The following ITIH2 variants were observed in gnomAD, a reference collection of about 807,000 sequenced individuals.
ITIH2 encodes inter-alpha-trypsin inhibitor heavy chain H2.
ITIH2 carries 103 observed loss-of-function variants against 104.4 expected under a neutral mutation model. That is an observed-to-expected ratio of 0.99 (90% CI 0.84 to 1.16). The LOEUF (loss-of-function observed/expected upper bound fraction) is 1.16, where lower values mean the gene tolerates loss of function less well. Ranked by LOEUF, ITIH2 falls within the 50% of genes most tolerant of loss-of-function variation. ITIH2 has a pLI of 0.00. For missense variants in ITIH2, 1,108 were observed against 1,162.4 expected (o/e 0.95, Z 0.68); for synonymous variants, 436 against 435.4 (o/e 1.00, Z -0.02).
rs147906523 is a variant in ITIH2, at chr10:7,721,706, G to A, written c.796G>A (p.Glu266Lys). ...GCAGAGAATATGCCCTAACTGCCGG[G>A]AGACTGCGGTAGATGGGGAACTGGT... ...AQQRICPNCR[E>K]TAVDGELVVL... The change falls in exon 8 of 21, where the codon GAG becomes AAG. Residue 266 changes from glutamate (E) to lysine (K), a missense_variant. Glu to Lys is a moderately conservative substitution (Grantham distance 56, BLOSUM62 1). Coordinates refer to ENST00000358415, the MANE Select transcript of ITIH2 (RefSeq NM_002216.3). 1 of 1,613,812 alleles carries A rather than the reference G, an allele frequency of 6.2e-7. No homozygotes were observed. The highest frequency in any genetic ancestry group is 2.2e-5 in the East Asian group (1 of 44,854).
intron 15 of ITIH2, among the ~76,000 whole-genome samples, chr10:7,737,678 TTTCTATATTATA>T (rs1470493983): frequency 6.4e-5 from 1 of 15,658 alleles, no homozygotes; most frequent in African/African-American, 2.8e-4. Flanking sequence ...TATTCTATAT[TTTCTATATTATA>T]TTCTATATAA....
In ITIH2 at chr10:7,707,230, G is replaced by A; in HGVS notation, c.189G>A (p.Met63Ile). 1 of 1,600,724 alleles carries A rather than the reference G, an allele frequency of 6.2e-7. No homozygotes were observed. The highest frequency in any genetic ancestry group is 8.6e-7 in the Non-Finnish European group (1 of 1,169,506). ...GCCTTCCAGGAGAATCGGAAGAAATGATGGTAAGTTGACTTGATGTTGTTA... is the reference window on the plus strand; with the variant it reads ...GCCTTCCAGGAGAATCGGAAGAAATAATGGTAAGTTGACTTGATGTTGTTA... Reference protein sequence around the residue: ...QRSLPGESEEMMEEVDQVTLY... With the variant: ...QRSLPGESEEIMEEVDQVTLY... Residue 63 changes from methionine (M) to isoleucine (I), a missense_variant, in exon 3 of 21, where the codon ATG (methionine) becomes ATA (isoleucine). Transcript: ENST00000358415.
Position 7,727,707 on chromosome 10 carries a change from A to G in ITIH2, c.1158A>G (p.Thr386=). The G allele has an allele frequency of 6.2e-7, 1 of 1,614,120 alleles. No individual in the cohort carries two copies. ...TTCATTATGCTACTTCAACAGGCAC[A>G]AACATCAACGAAGCACTCCTACGGG... ...YIEKIQPSGG[T]NINEALLRAI... Residue 386 remains threonine, a synonymous_variant, in exon 11 of 21, where the codon ACA becomes ACG. Transcript: ENST00000358415.
intron 8 of ITIH2, among the ~76,000 whole-genome samples, chr10:7,722,677 C>T (rs1410750704): frequency 6.6e-6 from 1 of 152,192 alleles, no homozygotes; most frequent in African/African-American, 2.4e-5. Context: ...CCTGGCCCAG[C>T]TCTCAAGAGA....
Position 7,716,611 on chromosome 10 carries a change from C to T in ITIH2, c.468-1015C>T, listed in dbSNP as rs138860209. The stretch of plus-strand genomic sequence containing the variant: ...ATTAGCTGGGCATGGTGGCGCATGC[C>T]TGTAGTCCCAGCTACTCGGGATGCT... On this transcript the variant is annotated intron_variant, in intron 5 of 20. Transcript: ENST00000358415. Among the ~76,000 whole-genome samples the T allele has an allele frequency of 2.1e-4, 32 of 151,856 alleles. 1 individual carries two copies. The highest frequency in any genetic ancestry group is 4.4e-4 in the Non-Finnish European group (30 of 67,988).
intron 20 of ITIH2, 112 bp from the exon 21 acceptor site, chr10:7,749,075 G>C (rs1835211445): frequency 9.7e-7 from 1 of 1,030,408 alleles, no homozygotes; most frequent in East Asian, 2.4e-5. Context: ...CGATAGGTGG[G>C]GGGCGGCAGA....
chr10:7,707,098 T>C, intron 2 of ITIH2, 103 bp from the exon 3 acceptor site: 1 of 722,042 alleles, frequency 1.4e-6, no homozygotes, highest in Admixed American at 2.1e-5. Context: ...AGCTCAGTAT[T>C]GAAGAAAAAT....
chr10:7,712,573 C>A (rs1424256103), intron 4 of ITIH2, among the ~76,000 whole-genome samples: 1 of 152,114 alleles, frequency 6.6e-6, no homozygotes, highest in African/African-American at 2.4e-5. Flanking sequence ...AGAGAACCAT[C>A]CTTAATCTAA....
At position 7,720,907 on chromosome 10, in the gene ITIH2, G is replaced by T; in HGVS notation, c.682G>T (p.Asp228Tyr). 1 of 1,613,864 alleles carries T rather than the reference G, an allele frequency of 6.2e-7. No individual in the cohort carries two copies. Among genetic ancestry groups the T allele is most frequent in the South Asian group, 1.1e-5 (1 of 91,044 alleles). Residue 228 changes from aspartate to tyrosine, a missense_variant, in exon 7 of 21, where the codon GAC becomes TAC. Physicochemically the swap from Asp to Tyr is radical, Grantham distance 160. Coordinates refer to ENST00000358415, the MANE Select transcript of ITIH2 (RefSeq NM_002216.3). ...PQGLRFLHVP[D>Y]TFEGHFDGVP... ...GGGACTGAGATTTCTTCATGTTCCC[G>T]ACACATTTGAAGGCCATTTCGATGG...
At chr10:7,705,534 T>C (rs1462194001) in intron 2 of ITIH2, among the ~76,000 whole-genome samples, 1 of 151,956 alleles carries the variant, frequency 6.6e-6, no homozygotes, top group Non-Finnish European at 1.5e-5. Flanking sequence ...AGTGAGGCTC[T>C]ACCTCTGCCA....
chr10:7,709,339 T>A, intron 4 of ITIH2, 148 bp downstream of exon 4: 1 of 683,376 alleles, frequency 1.5e-6, no homozygotes, highest in Non-Finnish European at 2.5e-6. Context: ...CCCAATAATT[T>A]TCTCCTCTTC....
At chr10:7,743,906 TATA>T (rs1363787750) in intron 17 of ITIH2, among the ~76,000 whole-genome samples, 173 bp from the exon 18 acceptor site, 1 of 152,062 alleles carries the variant, frequency 6.6e-6, no homozygotes, top group Non-Finnish European at 1.5e-5. Context: ...TTATAAATGT[TATA>T]TTAACATGTT....
chr10:7,731,956 C>A lies in ITIH2; in HGVS notation c.1607C>A (p.Ala536Asp), dbSNP rs1191715012. 6.2e-7 allele frequency: 1 copy of A among 1,613,920 alleles called. No homozygotes were observed. Among genetic ancestry groups the A allele is most frequent in the South Asian group, 1.1e-5 (1 of 91,050 alleles). The change falls in exon 13 of 21, where the codon GCT (alanine) becomes GAT (aspartate). Residue 536 changes from alanine (A) to aspartate (D), a missense_variant. Coordinates refer to ENST00000358415, the MANE Select transcript of ITIH2 (RefSeq NM_002216.3). ...EIVVAGKFDP[A>D]KLDQIESVIT... is the part of the protein sequence containing the mutation. ...GTGGTGGCAGGAAAATTTGACCCTG[C>A]TAAATTGGATCAAATAGAGAGCGTT... is the stretch of plus-strand genomic sequence containing the variant.
At chr10:7,737,443 A>G (rs1835067017) in intron 15 of ITIH2, among the ~76,000 whole-genome samples, 1 of 141,842 alleles carries the variant, frequency 7.1e-6, no homozygotes, top group Non-Finnish European at 1.5e-5. Flanking sequence ...GTATATATAT[A>G]TATAACAGAT....
intron 15 of ITIH2, among the ~76,000 whole-genome samples, chr10:7,735,673 TC>T (rs1341966426): frequency 2.8e-4 from 39 of 141,452 alleles, no homozygotes; most frequent in African/African-American, 1.1e-3. Context: ...TCTTTTCTTT[TC>T]TTTTTTTTTT....
chr10:7,717,827 T>TTTA (rs753377358), intron 6 of ITIH2, 39 bp downstream of exon 6: 8 of 1,572,138 alleles, frequency 5.1e-6, no homozygotes, highest in Non-Finnish European at 7.0e-6. Flanking sequence ...GACACTGTCC[T>TTTA]TTTATAGTCT....
Position 7,726,943 on chromosome 10 carries a change from G to C in ITIH2, c.985-7G>C. The C allele has an allele frequency of 6.2e-7, 1 of 1,600,600 alleles. No individual in the cohort carries two copies. Among genetic ancestry groups the C allele is most frequent in the African/African-American group, 1.3e-5 (1 of 74,660 alleles). On this transcript the variant is annotated splice_polypyrimidine_tract_variant and splice_region_variant and intron_variant, in intron 9 of 20. Coordinates refer to ENST00000358415, the MANE Select transcript of ITIH2 (RefSeq NM_002216.3). ...ATGGGACCTGTCTTTATTCTCTATT[G>C]AAATAGACTGTGGAAGCAATGAAGA...
chr10:7,741,297 G>A (rs1835121942), intron 16 of ITIH2, among the ~76,000 whole-genome samples: 1 of 150,734 alleles, frequency 6.6e-6, no homozygotes, highest in South Asian at 2.1e-4. Flanking sequence ...TCCTGCCTCA[G>A]GCTCCAGAGT....
In ITIH2 at chr10:7,746,668, G is replaced by C; in HGVS notation, c.2657G>C (p.Ser886Thr). The change falls in exon 20 of 21, where the codon AGC becomes ACC. Residue 886 changes from serine to threonine, a missense_variant. By Grantham distance (58) the Ser-to-Thr change is moderately conservative (BLOSUM62 1). Coordinates refer to ENST00000358415, the MANE Select transcript of ITIH2 (RefSeq NM_002216.3). ...PGKDPEKPEA[S>T]MEVKGQKLII... ...AAGGACCCTGAGAAGCCAGAGGCCA[G>C]CATGGAAGTGAAGGGGCAGAAGCTG... is the stretch of plus-strand genomic sequence containing the variant. 6.2e-7 allele frequency: 1 copy of C among 1,613,744 alleles called. No individual in the cohort carries two copies. Among genetic ancestry groups the C allele is most frequent in the Non-Finnish European group, 8.5e-7 (1 of 1,179,704 alleles).
Sources: gnomAD v4.1 joint callset for allele counts (sites outside exome capture counted in the v4.1 genomes callset) on GRCh38, gnomAD v4.1.1 for gene constraint, MANE v1.5 for transcripts, NCBI Gene and HGNC (gene_info 2026-07-23, HGNC 2026-07-21) for gene names.